Variants in ADGRG1 observed in about 807,000 individuals in gnomAD.
ADGRG1 encodes adhesion G protein-coupled receptor G1, also known as 7-transmembrane protein with no EGF-like N-terminal domains-1.
A neutral mutation model predicts 73.5 loss-of-function variants in ADGRG1; 53 were observed. The ratio of observed to expected loss-of-function variants is 0.72; its 90% CI spans 0.58 to 0.91. The LOEUF (loss-of-function observed/expected upper bound fraction) is 0.91. ADGRG1 is among the 40% of genes least tolerant of loss of function. The pLI is 0.00. For synonymous variants in ADGRG1, 394 were observed against 374.4 expected (o/e 1.05, Z -0.60); for missense variants, 795 against 871.8 (o/e 0.91, Z 1.11).
chr16:57,629,971 C>T (rs1033138305), intron 1 of ADGRG1: 6 of 984,398 alleles, frequency 6.1e-6, no homozygotes, highest in African/African-American at 3.5e-5. Flanking sequence ...CCACCCCCAC[C>T]AATGTGGAGC....
upstream of ADGRG1, chr16:57,623,867 G>A (rs769982763): frequency 2.1e-5 from 20 of 971,084 alleles, no homozygotes; most frequent in Non-Finnish European, 2.3e-5. Flanking sequence ...AACATTGGCC[G>A]CAAAACACAT....
intron 1 of ADGRG1, chr16:57,645,256 C>T (rs776701207): frequency 1.4e-5 from 14 of 985,442 alleles, no homozygotes; most frequent in Non-Finnish European, 1.6e-5. Flanking sequence ...TCCCCTCTGC[C>T]TCTCCCAGCG....
Position 57,654,066 on chromosome 16 carries a change from A to G in ADGRG1, c.701A>G (p.Asn234Ser), listed in dbSNP as rs1395394745. 1 of 1,613,998 alleles carries G rather than the reference A, an allele frequency of 6.2e-7. No individual in the cohort carries two copies. Among genetic ancestry groups the G allele is most frequent in the Non-Finnish European group, 8.5e-7 (1 of 1,180,012 alleles). The part of the protein sequence containing the change: ...DMVSFEEDRI[N>S]ATVWKLQPTA... ...GTGTCCTTCGAGGAGGACCGGATCAACGCCACGGTGTGGAAGCTCCAGCCC... is the reference window on the plus strand; with the variant it reads ...GTGTCCTTCGAGGAGGACCGGATCAGCGCCACGGTGTGGAAGCTCCAGCCC... The change falls in exon 5 of 14, where the codon AAC becomes AGC. Residue 234 changes from asparagine to serine, a missense_variant. Asn to Ser is a conservative substitution (Grantham distance 46, BLOSUM62 1). Coordinates refer to ENST00000562631, the MANE Select transcript of ADGRG1 (RefSeq NM_201525.4).
At chr16:57,624,729 C>T (rs1282991593), upstream of ADGRG1, 2 of 984,216 alleles carry the variant, frequency 2.0e-6, no homozygotes, top group Non-Finnish European at 2.4e-6. Flanking sequence ...ATAAGGATGC[C>T]CTAACCCCTT....
At chr16:57,630,505 G>A in intron 1 of ADGRG1, 1 of 985,662 alleles carries the variant, frequency 1.0e-6, no homozygotes, top group Non-Finnish European at 1.2e-6. Context: ...AGCTGCCCTG[G>A]CTCCCGTAGG....
At chr16:57,628,563 G>T, upstream of ADGRG1, 1 of 985,580 alleles carries the variant, frequency 1.0e-6, no homozygotes, top group Non-Finnish European at 1.2e-6. Flanking sequence ...TCAGGGAGGA[G>T]GGAGGAGCCC....
chr16:57,628,927 A>AGC (rs1555531034), intron 1 of ADGRG1, 125 bp downstream of exon 1: 3 of 689,726 alleles, frequency 4.3e-6, no homozygotes, highest in Admixed American at 8.8e-5. Flanking sequence ...AGTGAGTGTG[A>AGC]GTGTGAGTGT....
At position 57,659,593 on chromosome 16, in the gene ADGRG1, C is replaced by G; in HGVS notation, c.1467C>G (p.Leu489=). The change falls in exon 11 of 14, where the codon CTC becomes CTG. Residue 489 remains leucine, a synonymous_variant. Coordinates refer to ENST00000562631, the MANE Select transcript of ADGRG1 (RefSeq NM_201525.4). ...TCACCTGCCTTTCCTGGATGGGCCTCGAGGGGTACAACCTCTACCGACTCG... is the reference window on the plus strand; with the variant it reads ...TCACCTGCCTTTCCTGGATGGGCCTGGAGGGGTACAACCTCTACCGACTCG... The part of the protein sequence containing the change: ...SLLTCLSWMG[L]EGYNLYRLVV... 6.2e-7 allele frequency: 1 copy of G among 1,613,970 alleles called. No individual in the cohort carries two copies. Among genetic ancestry groups the G allele is most frequent in the East Asian group, 2.2e-5 (1 of 44,866 alleles).
At chr16:57,628,910 G>A (rs2036622359) in intron 1 of ADGRG1, 108 bp downstream of exon 1, 4 of 850,112 alleles carry the variant, frequency 4.7e-6, no homozygotes, top group African/African-American at 7.1e-5. Flanking sequence ...GAGTGTGAGT[G>A]TGTGAGAGTG....
chr16:57,630,797 G>C (rs1353476294), intron 1 of ADGRG1, among the ~76,000 whole-genome samples: 1 of 152,210 alleles, frequency 6.6e-6, no homozygotes, highest in East Asian at 1.9e-4. Flanking sequence ...GGAGGGGAAG[G>C]GACTGATGTC....
intron 1 of ADGRG1, 131 bp downstream of exon 1, chr16:57,628,933 A>AGAGG (rs1555531078): frequency 1.5e-6 from 1 of 678,664 alleles, no homozygotes; most frequent in African/African-American, 2.5e-5. Flanking sequence ...TGTGAGTGTG[A>AGAGG]GTGTGAGCGT....
intron 1 of ADGRG1, chr16:57,641,415 C>T: frequency 1.0e-6 from 1 of 978,590 alleles, no homozygotes; most frequent in Non-Finnish European, 1.2e-6. Context: ...ACCCCAGGAG[C>T]ATAAGCTGAA....
At chr16:57,636,144 ACTTTT>A in intron 1 of ADGRG1, 1 of 985,224 alleles carries the variant, frequency 1.0e-6, no homozygotes, top group Non-Finnish European at 1.2e-6. Flanking sequence ...AACGGGACCC[ACTTTT>A]CTTTGCACAT....
intron 1 of ADGRG1, chr16:57,644,084 GA>G (rs1268964513): frequency 5.1e-6 from 5 of 985,224 alleles, no homozygotes; most frequent in Middle Eastern, 5.2e-4. Context: ...ACACCTGCAA[GA>G]GCCCTGCTCT....
At chr16:57,637,469 C>A (rs1329818695) in intron 1 of ADGRG1, 94 of 985,254 alleles carry the variant, frequency 9.5e-5, no homozygotes, top group Non-Finnish European at 1.1e-4. Context: ...TGTACCTCCC[C>A]CCAGGTCCCC....
intron 1 of ADGRG1, among the ~76,000 whole-genome samples, chr16:57,649,645 G>A (rs1192529987): frequency 1.3e-5 from 2 of 152,128 alleles, no homozygotes; most frequent in African/African-American, 4.8e-5. Flanking sequence ...TTCTAGATAA[G>A]ATAATCCCGT....
intron 9 of ADGRG1, among the ~76,000 whole-genome samples, chr16:57,656,826 G>C (rs930092550): frequency 6.6e-6 from 1 of 152,248 alleles, no homozygotes; most frequent in Non-Finnish European, 1.5e-5. Flanking sequence ...GAAAGAGCTG[G>C]TTTGTAGAGC....
chr16:57,661,396 C>T (rs2047059990), intron 12 of ADGRG1: 1 of 984,972 alleles, frequency 1.0e-6, no homozygotes. Context: ...TGAGCTCCAG[C>T]CTGGGAAGGA....
rs531279905 is a variant in ADGRG1 at position 57,661,592 on chromosome 16, C to T, written c.1665-105C>T. On this transcript the variant is annotated intron_variant, in intron 12 of 13. Transcript: ENST00000562631. ...ACACTGTAAATAGAAAACAAGCGCA[C>T]TTGCTGTAAACAGTGGATAATCCTG... 3.3e-6 allele frequency: 5 copies of T among 1,526,032 alleles called. No homozygotes were observed. The African/African-American group carries it at 6.9e-5, about 21-fold the overall frequency. The allele number at this position is 1,526,032 out of a possible 1,614,324, so 94.5% of individuals were successfully genotyped here.
Sources: allele counts gnomAD v4.1 joint callset (sites outside exome capture counted in the v4.1 genomes callset), GRCh38; gene constraint gnomAD v4.1.1; transcripts MANE v1.5; gene names NCBI Gene and HGNC (gene_info 2026-07-23, HGNC 2026-07-21).